Variants in FBXL20 observed in about 807,000 individuals in gnomAD.
The protein encoded by FBXL20 is F-box and leucine rich repeat protein 20.
Under a neutral mutation model 64.0 loss-of-function variants are expected in FBXL20, and 11 were observed. The ratio of observed to expected loss-of-function variants is 0.17; its 90% CI spans 0.11 to 0.28. The LOEUF (loss-of-function observed/expected upper bound fraction) is 0.28. FBXL20 is among the 10% of genes least tolerant of loss of function. The pLI is 1.00. For synonymous variants in FBXL20, 184 were observed against 189.0 expected, an observed-to-expected ratio of 0.97 and a Z score of 0.22; for missense variants, 303 against 526.2, an observed-to-expected ratio of 0.58 and a Z score of 4.15.
At chr17:39,323,437 C>CTT (rs1260427622) in intron 2 of FBXL20, among the ~76,000 whole-genome samples, 6 of 152,094 alleles carry the variant, frequency 3.9e-5, no homozygotes, top group African/African-American at 1.4e-4. Flanking sequence ...CACTAGGCAG[C>CTT]TTATTAAGCA....
chr17:39,358,414 G>A (rs1364234043), intron 1 of FBXL20, among the ~76,000 whole-genome samples: 3 of 152,340 alleles, frequency 2.0e-5, no homozygotes. Context: ...CAGGAGCAGT[G>A]GCTCATGCCT....
chr17:39,274,041 A>AT (rs1028116702), intron 10 of FBXL20, among the ~76,000 whole-genome samples: 1 of 151,644 alleles, frequency 6.6e-6, no homozygotes, highest in African/African-American at 2.4e-5. Context: ...TGCCTGGCTA[A>AT]TTTTTTTATT....
At chr17:39,365,414 A>C (rs1353411767) in intron 1 of FBXL20, among the ~76,000 whole-genome samples, 1 of 152,222 alleles carries the variant, frequency 6.6e-6, no homozygotes, top group African/African-American at 2.4e-5. Flanking sequence ...CTGCCAGTGC[A>C]TTGCCGTCTC....
intron 1 of FBXL20, among the ~76,000 whole-genome samples, chr17:39,380,606 C>A (rs1213092517): frequency 6.6e-6 from 1 of 152,142 alleles, no homozygotes; most frequent in African/African-American, 2.4e-5. Flanking sequence ...GCTCCCTTCC[C>A]CCCTTTCCTG....
At chr17:39,277,692 T>G (rs932404724) in intron 9 of FBXL20, among the ~76,000 whole-genome samples, 55 of 146,244 alleles carry the variant, frequency 3.8e-4, no homozygotes, top group African/African-American at 1.4e-3. Context: ...AGGCAGAGGT[T>G]GCAGTGAGCC....
chr17:39,390,769 CCAA>C, intron 1 of FBXL20, among the ~76,000 whole-genome samples: 1 of 152,014 alleles, frequency 6.6e-6, no homozygotes, highest in African/African-American at 2.4e-5. Context: ...CATTAGTAGG[CCAA>C]GTACAGTGGC....
intron 1 of FBXL20, among the ~76,000 whole-genome samples, chr17:39,349,830 G>C (rs1391149060): frequency 2.6e-5 from 4 of 151,914 alleles, no homozygotes; most frequent in African/African-American, 9.7e-5. Flanking sequence ...CAGCTACTCA[G>C]GAGGCTGAGG....
intron 1 of FBXL20, among the ~76,000 whole-genome samples, chr17:39,367,172 C>T (rs957916582): frequency 6.6e-6 from 1 of 152,068 alleles, no homozygotes; most frequent in East Asian, 1.9e-4. Flanking sequence ...CATAAGCCAC[C>T]GCGCCCAGCC....
At chr17:39,297,611 C>G (rs1201569262) in intron 5 of FBXL20, 1 of 158,168 alleles carries the variant, frequency 6.3e-6, no homozygotes, top group Admixed American at 6.2e-5. Flanking sequence ...TAGTACACCC[C>G]AACTCCACAG....
At chr17:39,287,735 G>A (rs1597776613) in intron 6 of FBXL20, among the ~76,000 whole-genome samples, 1 of 152,116 alleles carries the variant, frequency 6.6e-6, no homozygotes, top group East Asian at 1.9e-4. Context: ...AGAGTCCTAG[G>A]AATGAAATTG....
intron 1 of FBXL20, among the ~76,000 whole-genome samples, chr17:39,374,401 T>C (rs1359044676): frequency 6.7e-6 from 1 of 150,226 alleles, no homozygotes; most frequent in East Asian, 2.0e-4. Flanking sequence ...TCAGGCCTGA[T>C]GGCGGGTACC....
chr17:39,330,230 G>A (rs1269676695), intron 2 of FBXL20, among the ~76,000 whole-genome samples: 1 of 152,068 alleles, frequency 6.6e-6, no homozygotes, highest in Admixed American at 6.6e-5. Flanking sequence ...CTGGGAGGCT[G>A]AGGTTGCAGT....
chr17:39,312,918 CTTTTT>C (rs56972736), intron 2 of FBXL20, among the ~76,000 whole-genome samples: 7 of 110,610 alleles, frequency 6.3e-5, no homozygotes, highest in African/African-American at 1.1e-4. Context: ...AAGATAGTTA[CTTTTT>C]TTTTTTTTTT....
Position 39,256,320 on chromosome 17 carries a change from C to CAAAAAAAA in FBXL20, c.*5132_*5139dup, listed in dbSNP as rs34975638. On this transcript the variant is annotated 3_prime_UTR_variant, in exon 15 of 15. Transcript: ENST00000264658. ...TGGGTGACAGAGCGAGACTCCATGT[C>CAAAAAAAA]AAAAAAAAAAAAAAAAAAAAGAAAT... 1 of 92,012 alleles carries CAAAAAAAA rather than the reference C, an allele frequency of 1.1e-5. No homozygotes were observed. The highest frequency in any genetic ancestry group is 2.3e-5 in the Non-Finnish European group (1 of 44,092). The allele number at this position is 92,012 out of a possible 1,614,324, so 5.7% of individuals were successfully genotyped here.
In FBXL20 at chr17:39,264,974, C is replaced by G. The variant is rs374690168; in HGVS notation, c.990+423G>C. On this transcript the variant is annotated intron_variant, in intron 13 of 14. Coordinates refer to ENST00000264658, the MANE Select transcript of FBXL20 (RefSeq NM_032875.3). Reference sequence around the variant, plus strand: ...GAACAGTCACTCAGAATGCCTTCCTCTAGTGTCACTGAAAGTAGGAGCAGA... The same window carrying G: ...GAACAGTCACTCAGAATGCCTTCCTGTAGTGTCACTGAAAGTAGGAGCAGA... Among the ~76,000 whole-genome samples, 71 of 152,302 alleles carry G rather than the reference C, an allele frequency of 4.7e-4. 2 individuals are homozygous for G. In the South Asian group the frequency reaches 0.015, roughly 32 times the overall value.
At chr17:39,350,191 C>T (rs1762433610) in intron 1 of FBXL20, among the ~76,000 whole-genome samples, 1 of 152,102 alleles carries the variant, frequency 6.6e-6, no homozygotes, top group African/African-American at 2.4e-5. Flanking sequence ...ATGACTTCTA[C>T]AATTTCACAT....
intron 12 of FBXL20, among the ~76,000 whole-genome samples, chr17:39,267,871 C>G (rs1008890214): frequency 6.6e-6 from 1 of 152,146 alleles, no homozygotes; most frequent in African/African-American, 2.4e-5. Context: ...CGGATGCGAA[C>G]AAGTTTTAGT....
chr17:39,374,139 C>T (rs908362050), intron 1 of FBXL20, among the ~76,000 whole-genome samples: 5 of 151,652 alleles, frequency 3.3e-5, no homozygotes, highest in Non-Finnish European at 5.9e-5. Context: ...GCAGGAGAAT[C>T]GCTTGAACCT....
chr17:39,385,069 C>T (rs977740920), intron 1 of FBXL20, among the ~76,000 whole-genome samples: 2 of 152,122 alleles, frequency 1.3e-5, no homozygotes, highest in Non-Finnish European at 2.9e-5. Context: ...ACCTGTAATC[C>T]CAATTAGCTA....
Sources: gnomAD v4.1 joint callset for allele counts (sites outside exome capture counted in the v4.1 genomes callset) on GRCh38, gnomAD v4.1.1 for gene constraint, MANE v1.5 for transcripts, NCBI Gene and HGNC (gene_info 2026-07-23, HGNC 2026-07-21) for gene names.